OCA2: variants seen among roughly 807,000 people sequenced by gnomAD.
OCA2 encodes OCA2 melanosomal transmembrane protein.
A neutral mutation model predicts 100.2 loss-of-function variants in OCA2; 77 were observed. That is an observed-to-expected ratio of 0.77 (90% confidence interval 0.64 to 0.93). OCA2 has a LOEUF of 0.93. Ranked by LOEUF, OCA2 falls within the 40% of genes least tolerant of loss-of-function variation. OCA2 has a pLI of 0.00. For missense variants in OCA2, 1,062 were observed against 1,089.1 expected, an observed-to-expected ratio of 0.98 and a Z score of 0.35; for synonymous variants, 432 against 439.2, an observed-to-expected ratio of 0.98 and a Z score of 0.21.
intron 2 of OCA2, among the ~76,000 whole-genome samples, chr15:28,075,410 G>T (rs1257433241): frequency 1.3e-5 from 2 of 152,234 alleles, no homozygotes; most frequent in East Asian, 3.9e-4. Context: ...AAAATTAAAA[G>T]TACAGTCAAT....
At chr15:27,737,508 A>C in the OCA2 span, among the ~76,000 whole-genome samples, 3 of 152,184 alleles carry the variant, frequency 2.0e-5, no homozygotes, top group East Asian at 1.9e-4. Flanking sequence ...GAGAAGAGAT[A>C]GTCTTTTAAA....
intron 19 of OCA2, among the ~76,000 whole-genome samples, chr15:27,920,578 C>T (rs1401380344): frequency 1.3e-5 from 2 of 151,908 alleles, no homozygotes; most frequent in African/African-American, 2.4e-5. Flanking sequence ...GTGAGGGGAG[C>T]CTGGATGCTG....
chr15:27,854,646 T>C (rs1325628133), intron 21 of OCA2, among the ~76,000 whole-genome samples: 1 of 152,176 alleles, frequency 6.6e-6, no homozygotes, highest in African/African-American at 2.4e-5. Context: ...AACGCGATTA[T>C]CATAGAGGCA....
intron 21 of OCA2, 22 bp downstream of exon 21, chr15:27,871,132 G>T: frequency 6.3e-7 from 1 of 1,581,910 alleles, no homozygotes; most frequent in Non-Finnish European, 8.7e-7. Flanking sequence ...TTGAGCCGTC[G>T]ACATGGACAT....
chr15:27,726,862 T>C, the OCA2 span, among the ~76,000 whole-genome samples: 1 of 152,246 alleles, frequency 6.6e-6, no homozygotes, highest in African/African-American at 2.4e-5. Flanking sequence ...ACTGTTGAGA[T>C]GGATCTCCAT....
chr15:27,837,880 ACT>A (rs1427253028), intron 23 of OCA2, among the ~76,000 whole-genome samples: 1 of 148,436 alleles, frequency 6.7e-6, no homozygotes, highest in Admixed American at 6.8e-5. Context: ...ATGCCCCACG[ACT>A]GAAAAAAAAA....
intron 2 of OCA2, among the ~76,000 whole-genome samples, chr15:28,076,573 C>T (rs761908278): frequency 5.3e-5 from 8 of 152,072 alleles, no homozygotes; most frequent in Admixed American, 1.3e-4. Context: ...TTTGGCCGGG[C>T]GCGGTGGCTC....
intron 18 of OCA2, 42 bp downstream of exon 18, chr15:27,951,742 G>T: frequency 2.2e-6 from 3 of 1,365,844 alleles, no homozygotes; most frequent in Non-Finnish European, 3.1e-6. Context: ...TTCCCATCCA[G>T]AATGTGACAA....
At chr15:27,954,277 C>A (rs554448942) in intron 17 of OCA2, among the ~76,000 whole-genome samples, 2 of 152,272 alleles carry the variant, frequency 1.3e-5, no homozygotes, top group African/African-American at 4.8e-5. Context: ...ACACAGTTCT[C>A]CAACTCATGA....
rs2033713434 is a variant in OCA2 at position 27,803,828 on chromosome 15, A to G, written c.2432+41131T>C. On this transcript the variant is annotated intron_variant, in intron 23 of 23. Coordinates refer to ENST00000354638, the MANE Select transcript of OCA2 (RefSeq NM_000275.3). ...TACAACAAATAAGACACAATAACAC[A>G]TGTTGACAAAGACGTAGAGAAATGA... is the stretch of plus-strand genomic sequence containing the variant. Among the ~76,000 whole-genome samples the G allele has an allele frequency of 2.0e-5, 3 of 152,348 alleles. No homozygotes were observed. The South Asian group carries it at 6.2e-4, about 32-fold the overall frequency.
intron 23 of OCA2, among the ~76,000 whole-genome samples, chr15:27,794,454 G>A (rs984813654): frequency 6.6e-6 from 1 of 152,180 alleles, no homozygotes; most frequent in African/African-American, 2.4e-5. Flanking sequence ...CTTCAAATGA[G>A]TCGGGAGTAT....
chr15:28,056,696 C>T (rs1718378969), intron 2 of OCA2, among the ~76,000 whole-genome samples: 1 of 152,196 alleles, frequency 6.6e-6, no homozygotes, highest in South Asian at 2.1e-4. Flanking sequence ...TGCTGAGCTC[C>T]ACACCCTCCA....
chr15:27,845,531 G>A (rs1040895809), intron 22 of OCA2, among the ~76,000 whole-genome samples: 1 of 152,088 alleles, frequency 6.6e-6, no homozygotes, highest in Non-Finnish European at 1.5e-5. Flanking sequence ...TTCACCAATG[G>A]CATCTCCTTG....
intron 18 of OCA2, among the ~76,000 whole-genome samples, chr15:27,943,900 T>C (rs2039742089): frequency 6.6e-6 from 1 of 152,158 alleles, no homozygotes; most frequent in East Asian, 1.9e-4. Flanking sequence ...GTGAATATCT[T>C]CCTGTAACTT....
intron 23 of OCA2, among the ~76,000 whole-genome samples, chr15:27,804,145 G>GA (rs1300228852): frequency 6.6e-6 from 1 of 152,142 alleles, no homozygotes; most frequent in Non-Finnish European, 1.5e-5. Flanking sequence ...AGTAAAGTGA[G>GA]AAAAACCACA....
rs75056979 is a variant in OCA2 at position 28,003,939 on chromosome 15, G to A, written c.1044+10837C>T. Among the ~76,000 whole-genome samples, 630 of 152,326 alleles carry A rather than the reference G, an allele frequency of 4.1e-3. 2 individuals are homozygous for A. The highest frequency in any genetic ancestry group is 6.2e-3 in the Non-Finnish European group (425 of 68,028). ...GGTGACCTGAGAGTGATGCGAAACC[G>A]AGGGACTCAACCTGTCCCTTCCCGG... On this transcript the variant is annotated intron_variant, in intron 9 of 23. Coordinates refer to ENST00000354638, the MANE Select transcript of OCA2 (RefSeq NM_000275.3).
At chr15:27,984,962 T>G in intron 13 of OCA2, 102 bp downstream of exon 13, 1 of 1,447,568 alleles carries the variant, frequency 6.9e-7, no homozygotes, top group Non-Finnish European at 9.6e-7. Context: ...GCCCCCACCT[T>G]TTCATGCACC....
At chr15:27,781,692 T>C (rs1022751758) in intron 23 of OCA2, among the ~76,000 whole-genome samples, 1 of 152,228 alleles carries the variant, frequency 6.6e-6, no homozygotes, top group African/African-American at 2.4e-5. Context: ...ATTTACTCTC[T>C]GGTAAATTTA....
downstream of OCA2, among the ~76,000 whole-genome samples, chr15:27,752,807 C>T (rs866753242): frequency 4.5e-4 from 55 of 123,308 alleles, 4 homozygotes; most frequent in South Asian, 0.02. Flanking sequence ...CCCACCCCCC[C>T]CCCCCCCCCA....
Sources: gnomAD v4.1 joint callset for allele counts (sites outside exome capture counted in the v4.1 genomes callset) on GRCh38, gnomAD v4.1.1 for gene constraint, MANE v1.5 for transcripts, NCBI Gene and HGNC (gene_info 2026-07-23, HGNC 2026-07-21) for gene names.